SLC25A34: variants seen among roughly 807,000 people sequenced by gnomAD.
SLC25A34 encodes the protein solute carrier family 25, member 34.
In SLC25A34, 26 loss-of-function variants were observed where a neutral mutation model predicts 28.1. That is an observed-to-expected ratio of 0.93 (90% CI 0.68 to 1.28). SLC25A34 has a LOEUF of 1.28. Among genes scored for constraint, SLC25A34 ranks in the 50% most tolerant of loss-of-function variants. The pLI, the probability that SLC25A34 is intolerant of heterozygous loss-of-function variation, is 0.00. For missense variants in SLC25A34, 384 were observed against 409.8 expected, an observed-to-expected ratio of 0.94 and a Z score of 0.54; for synonymous variants, 182 against 182.2, an observed-to-expected ratio of 1.00 and a Z score of 0.01.
chr1:15,738,926 C>A, intron 4 of SLC25A34, 198 bp downstream of exon 4: 1 of 672,914 alleles, frequency 1.5e-6, no homozygotes, highest in Non-Finnish European at 2.3e-6. Flanking sequence ...TAAGCACTTT[C>A]ACATCTGGAT....
intron 1 of SLC25A34, 57 bp downstream of exon 1, chr1:15,736,920 G>A: frequency 6.9e-7 from 1 of 1,449,644 alleles, no homozygotes; most frequent in Non-Finnish European, 9.1e-7. Flanking sequence ...AGCTCCCACA[G>A]GGGCCCTGCA....
chr1:15,739,145 T>C (rs569120080), intron 4 of SLC25A34, 79 bp from the exon 5 acceptor site: 38 of 1,531,738 alleles, frequency 2.5e-5, no homozygotes, highest in African/African-American at 5.5e-5. Context: ...GGGGGTGAAA[T>C]TGACCCGTGT....
In SLC25A34 at chr1:15,739,412, G is replaced by A. The variant is rs201763026; in HGVS notation, c.*6G>A. On this transcript the variant is annotated 3_prime_UTR_variant, in exon 5 of 5. Coordinates refer to ENST00000294454, the MANE Select transcript of SLC25A34 (RefSeq NM_207348.3). The stretch of plus-strand genomic sequence containing the variant: ...CCCAGCACAAGGGCACCTAGACGAC[G>A]GCCCTCACCCCCACGTCCTGACACG... 240 of 1,500,588 alleles carry A rather than the reference G, an allele frequency of 1.6e-4. 1 individual carries two copies. The African/African-American group carries it at 3.1e-3, about 19-fold the overall frequency. The allele number at this position is 1,500,588 out of a possible 1,614,324, so 93.0% of individuals were successfully genotyped here. A position where few individuals can be genotyped will look rare whatever the true frequency, so the allele number is the denominator to read the frequency against.
At chr1:15,738,484 G>C in intron 3 of SLC25A34, 110 bp from the exon 4 acceptor site, 2 of 1,459,410 alleles carry the variant, frequency 1.4e-6, no homozygotes, top group Non-Finnish European at 1.8e-6. Flanking sequence ...GGCCTCATCT[G>C]CTCCCCTTTC....
In SLC25A34 at chr1:15,739,316, C is replaced by T. The variant is rs147788635; in HGVS notation, c.825C>T (p.Tyr275=). The T allele has an allele frequency of 6.2e-7, 1 of 1,610,700 alleles. No homozygotes were observed. Among genetic ancestry groups the T allele is most frequent in the Non-Finnish European group, 8.5e-7 (1 of 1,178,798 alleles). Residue 275 remains tyrosine, a synonymous_variant, in exon 5 of 5, where the codon TAC becomes TAT. Transcript: ENST00000294454. The part of the protein sequence containing the change: ...LALYKGLGPA[Y]LRLGPHTILS... ...TCTACAAGGGCCTGGGCCCCGCCTA[C>T]CTGCGCCTGGGCCCCCACACCATCC... is the stretch of plus-strand genomic sequence containing the variant.
chr1:15,738,613 G>T lies in SLC25A34; in HGVS notation c.617G>T (p.Trp206Leu). 6.2e-7 allele frequency: 1 copy of T among 1,607,662 alleles called. No individual in the cohort carries two copies. The highest frequency in any genetic ancestry group is 8.5e-7 in the Non-Finnish European group (1 of 1,178,438). The change falls in exon 4 of 5, where the codon TGG becomes TTG. Residue 206 changes from tryptophan (W) to leucine (L), a missense_variant. Transcript: ENST00000294454. The part of the protein sequence containing the change: ...QKQQWLPEDS[W>L]LVALAGGMIS... ...CCACAGTGGCTCCCTGAGGACAGCT[G>T]GCTGGTGGCCCTGGCTGGGGGCATG...
At position 15,739,259 on chromosome 1, in the gene SLC25A34, G is replaced by A. The variant is rs2068257150; in HGVS notation, c.768G>A (p.Val256=). Residue 256 remains valine (V), a synonymous_variant, in exon 5 of 5, where the codon GTG becomes GTA. Coordinates refer to ENST00000294454, the MANE Select transcript of SLC25A34 (RefSeq NM_207348.3). Reference sequence around the variant, plus strand: ...ATGGGGGCCTCACCGACTGCATGGTGAAGATCTGGCGGCAGGAGGGCCCCC... The same window carrying A: ...ATGGGGGCCTCACCGACTGCATGGTAAAGATCTGGCGGCAGGAGGGCCCCC... ...QLYGGLTDCM[V]KIWRQEGPLA... is the part of the protein sequence containing the mutation. 1 of 1,612,566 alleles carries A rather than the reference G, an allele frequency of 6.2e-7. No individual in the cohort carries two copies. The highest frequency in any genetic ancestry group is 8.5e-7 in the Non-Finnish European group (1 of 1,179,576).
Position 15,736,643 on chromosome 1 carries a change from T to G in SLC25A34, c.158T>G (p.Phe53Cys), listed in dbSNP as rs1468800571. ...RGTYPRPYHG[F>C]IASVAAVARA... ...ACCTACCCACGGCCCTACCATGGCT[T>G]CATAGCCTCTGTCGCTGCTGTGGCC... The change falls in exon 1 of 5, where the codon TTC (phenylalanine) becomes TGC (cysteine). Residue 53 changes from phenylalanine (F) to cysteine (C), a missense_variant. Transcript: ENST00000294454. 1 of 1,591,504 alleles carries G rather than the reference T, an allele frequency of 6.3e-7. No individual in the cohort carries two copies. The highest frequency in any genetic ancestry group is 8.5e-7 in the Non-Finnish European group (1 of 1,170,200).
rs1050858558 is a variant in SLC25A34 at position 15,739,600 on chromosome 1, A to G, written c.*194A>G. 28 of 520,688 alleles carry G rather than the reference A, an allele frequency of 5.4e-5. 1 individual carries two copies. The East Asian group carries it at 9.5e-4, about 18-fold the overall frequency. 32.3% of individuals were successfully genotyped at this position (520,688 alleles called of 1,614,324 possible). Reference sequence around the variant, plus strand: ...TCCAGAGCATCCACTTCAAGTTACCACCCATTCTGTCTTCCAGACAGTTCT... The same window carrying G: ...TCCAGAGCATCCACTTCAAGTTACCGCCCATTCTGTCTTCCAGACAGTTCT... On this transcript the variant is annotated 3_prime_UTR_variant, in exon 5 of 5. Coordinates refer to ENST00000294454, the MANE Select transcript of SLC25A34 (RefSeq NM_207348.3).
chr1:15,737,058 C>A (rs1250079817), intron 1 of SLC25A34, among the ~76,000 whole-genome samples, 195 bp downstream of exon 1: 2 of 152,228 alleles, frequency 1.3e-5, no homozygotes, highest in East Asian at 3.9e-4. Flanking sequence ...GATCCATGCT[C>A]CCCTGCGGTC....
rs200722262 is a variant in SLC25A34, at chr1:15,738,143, G to A, written c.495G>A (p.Gly165=). ...TCTGGCGGCAGCAAGGGCTCTTGGG[G>A]CTGTGGCAGGGCGTTGGTGGGGCTG... ...ETIWRQQGLL[G]LWQGVGGAVP... Residue 165 remains glycine (G), a synonymous_variant, in exon 3 of 5, where the codon GGG becomes GGA. Coordinates refer to ENST00000294454, the MANE Select transcript of SLC25A34 (RefSeq NM_207348.3). The A allele has an allele frequency of 1.2e-6, 2 of 1,608,054 alleles. No individual in the cohort carries two copies. The highest frequency in any genetic ancestry group is 2.2e-5 in the South Asian group (2 of 90,424).
chr1:15,738,574 C>T lies in SLC25A34; in HGVS notation c.598-20C>T. On this transcript the variant is annotated intron_variant, in intron 3 of 4. Transcript: ENST00000294454. ...GGTAGAGAGCTGTTGCAGGGATCAG[C>T]ACCTGTGCCATCCCCACAGTGGCTC... 6.2e-7 allele frequency: 1 copy of T among 1,603,334 alleles called. No homozygotes were observed. The highest frequency in any genetic ancestry group is 8.5e-7 in the Non-Finnish European group (1 of 1,176,654).
At chr1:15,737,841 C>A in intron 1 of SLC25A34, 88 bp from the exon 2 acceptor site, 3 of 1,443,620 alleles carry the variant, frequency 2.1e-6, no homozygotes, top group African/African-American at 1.4e-5. Flanking sequence ...GTTTCAGGGG[C>A]ACGGGGGCAG....
At chr1:15,738,797 C>A (rs1028960044) in intron 4 of SLC25A34, 69 bp downstream of exon 4, 2 of 1,417,296 alleles carry the variant, frequency 1.4e-6, no homozygotes, top group Non-Finnish European at 9.2e-7. Context: ...CACACACACA[C>A]ACACACTCTC....
rs1196436116 is a variant in SLC25A34, at chr1:15,740,729, G to T, written c.*1323G>T. 1 of 151,830 alleles carries T rather than the reference G, an allele frequency of 6.6e-6. No individual in the cohort carries two copies. Among genetic ancestry groups the T allele is most frequent in the African/African-American group, 2.4e-5 (1 of 41,268 alleles). The allele number at this position is 151,830 out of a possible 1,614,324, so 9.4% of individuals were successfully genotyped here. The stretch of plus-strand genomic sequence containing the variant: ...TTTTGAGATGGAGTCTCGCTTTGTT[G>T]CCCAGGCTGGAGTGCGGTGGTGCAA... On this transcript the variant is annotated 3_prime_UTR_variant, in exon 5 of 5. Transcript: ENST00000294454.
intron 1 of SLC25A34, 56 bp from the exon 2 acceptor site, chr1:15,737,873 T>C: frequency 1.2e-6 from 2 of 1,600,450 alleles, no homozygotes; most frequent in Non-Finnish European, 1.7e-6. Flanking sequence ...CACACACAGC[T>C]CACCCTGGCT....
At position 15,739,489 on chromosome 1, in the gene SLC25A34, G is replaced by T; in HGVS notation, c.*83G>T. The T allele has an allele frequency of 1.4e-6, 2 of 1,451,544 alleles. No individual in the cohort carries two copies. The highest frequency in any genetic ancestry group is 2.9e-5 in the South Asian group (2 of 68,526). 89.9% of individuals were successfully genotyped at this position (1,451,544 alleles called of 1,614,324 possible). A position where few individuals can be genotyped will look rare whatever the true frequency, so the allele number is the denominator to read the frequency against. ...CTGCTCCAGGACAACTGGCTGTCCCGGGGCGGGCCATGGGCCCAGGCCCTG... is the reference window on the plus strand; with the variant it reads ...CTGCTCCAGGACAACTGGCTGTCCCTGGGCGGGCCATGGGCCCAGGCCCTG... On this transcript the variant is annotated 3_prime_UTR_variant, in exon 5 of 5. Transcript: ENST00000294454.
In SLC25A34 at chr1:15,736,744, C is replaced by A; in HGVS notation, c.259C>A (p.Arg87Ser). Residue 87 changes from arginine (R) to serine (S), a missense_variant, in exon 1 of 5, where the codon CGT becomes AGT. Coordinates refer to ENST00000294454, the MANE Select transcript of SLC25A34 (RefSeq NM_207348.3). ...GTACCAAGGCCTCATGAATGGCGTT[C>A]GTTTCTACTGCTACAGCCTGGCGTG... ...LLYQGLMNGV[R>S]FYCYSLACQA... 1.2e-6 allele frequency: 2 copies of A among 1,608,794 alleles called. No individual in the cohort carries two copies. The highest frequency in any genetic ancestry group is 2.2e-5 in the South Asian group (2 of 90,934).
Position 15,738,680 on chromosome 1 carries a change from T to C in SLC25A34, c.684T>C (p.Asp228=), listed in dbSNP as rs372347171. 2.4e-5 allele frequency: 39 copies of C among 1,608,034 alleles called. No individual in the cohort carries two copies. Among genetic ancestry groups the C allele is most frequent in the African/African-American group, 8.0e-5 (6 of 74,688 alleles). Residue 228 remains aspartate, a synonymous_variant, in exon 4 of 5, where the codon GAT becomes GAC. Transcript: ENST00000294454. ...IAVVVVMTPF[D]VVSTRLYNQP... ...TGGTTGTCGTCATGACTCCCTTCGATGTGGTCAGCACGCGGCTATACAATC... is the reference window on the plus strand; with the variant it reads ...TGGTTGTCGTCATGACTCCCTTCGACGTGGTCAGCACGCGGCTATACAATC...
Sources: gnomAD v4.1 joint callset for allele counts (sites outside exome capture counted in the v4.1 genomes callset) on GRCh38, gnomAD v4.1.1 for gene constraint, MANE v1.5 for transcripts, NCBI Gene and HGNC (gene_info 2026-07-23, HGNC 2026-07-21) for gene names.